The following AGBL1 variants were observed in gnomAD, a reference collection of about 807,000 sequenced individuals.
AGBL1 encodes the protein cytosolic carboxypeptidase 4.
In AGBL1, 130 loss-of-function variants were observed where a neutral mutation model predicts 118.9. That is an observed-to-expected ratio of 1.09 (90% CI 0.95 to 1.26). The LOEUF (loss-of-function observed/expected upper bound fraction) is 1.26, where lower values mean the gene tolerates loss of function less well. Among genes scored for constraint, AGBL1 ranks in the 50% most tolerant of loss-of-function variants. The pLI is 0.00. For synonymous variants in AGBL1, 555 were observed against 478.9 expected (o/e 1.16, Z -2.08); for missense variants, 1,584 against 1,298.1 (o/e 1.22, Z -3.38).
At chr15:86,714,058 C>T (rs1051505734) in intron 22 of AGBL1, among the ~76,000 whole-genome samples, 5 of 152,222 alleles carry the variant, frequency 3.3e-5, no homozygotes, top group Admixed American at 6.5e-5. Context: ...GTCTAGGCAA[C>T]ACATGTGGAC....
intron 22 of AGBL1, among the ~76,000 whole-genome samples, chr15:86,750,783 C>A (rs1256950250): frequency 6.6e-6 from 1 of 151,846 alleles, no homozygotes; most frequent in Non-Finnish European, 1.5e-5. Flanking sequence ...CGTCCTTTGC[C>A]TCTTCCCGCC....
chr15:86,373,298 A>G (rs2080994926), intron 17 of AGBL1, among the ~76,000 whole-genome samples: 1 of 152,184 alleles, frequency 6.6e-6, no homozygotes, highest in Non-Finnish European at 1.5e-5. Context: ...TTCCCCCGGA[A>G]GAAGTCTTGG....
At chr15:86,832,067 CG>C (rs542440970) in intron 22 of AGBL1, among the ~76,000 whole-genome samples, 58 of 152,340 alleles carry the variant, frequency 3.8e-4, no homozygotes, top group South Asian at 3.5e-3. Flanking sequence ...AGCTCTATGT[CG>C]GCCCCTTTTA....
rs546107178 is a variant in AGBL1 at position 86,135,705 on chromosome 15, T to G, written c.52-6299T>G. ...GTCAAAAATCTTGCTCTAGAGGAGCTCACAGTCTAAAGTGAGTGTGGGAGA... is the reference window on the plus strand; with the variant it reads ...GTCAAAAATCTTGCTCTAGAGGAGCGCACAGTCTAAAGTGAGTGTGGGAGA... On this transcript the variant is annotated intron_variant, in intron 1 of 22. Transcript: ENST00000614907. 2.5e-4 allele frequency among the ~76,000 whole-genome samples: 38 copies of G among 152,310 alleles called. No homozygotes were observed. In the East Asian group the frequency reaches 7.1e-3, roughly 29 times the overall value.
intron 21 of AGBL1, among the ~76,000 whole-genome samples, chr15:86,617,819 G>A (rs1424770163): frequency 6.6e-6 from 1 of 151,642 alleles, no homozygotes; most frequent in African/African-American, 2.4e-5. Context: ...GAGAGAAAGA[G>A]ATTTTTTCTT....
chr15:86,397,866 A>G lies in AGBL1; in HGVS notation c.2555+320A>G, dbSNP rs2081391567. Among the ~76,000 whole-genome samples the G allele has an allele frequency of 2.0e-5, 3 of 152,150 alleles. 1 individual carries two copies. The highest frequency in any genetic ancestry group is 7.2e-5 in the African/African-American group (3 of 41,446). ...AATAGGAAGCTATAGAATCACAGGC[A>G]ATTAATAGCAGAGGAAGAATCTAGT... On this transcript the variant is annotated intron_variant, in intron 18 of 22. Transcript: ENST00000614907.
rs925147981 is a variant in AGBL1 at position 86,674,368 on chromosome 15, T to C, written c.3090T>C (p.His1030=). 2 of 1,613,046 alleles carry C rather than the reference T, an allele frequency of 1.2e-6. No individual in the cohort carries two copies. Among genetic ancestry groups the C allele is most frequent in the Non-Finnish European group, 1.7e-6 (2 of 1,179,514 alleles). The change falls in exon 22 of 23, where the codon CAT becomes CAC. Residue 1030 remains histidine, a synonymous_variant. Coordinates refer to ENST00000614907, the MANE Select transcript of AGBL1 (RefSeq NM_001386094.1). Reference sequence around the variant, plus strand: ...AGCTCAAATCTGCCAGCTGCAGCCATCAGCTCCTGGCTCAAGCTGCAACTC... The same window carrying C: ...AGCTCAAATCTGCCAGCTGCAGCCACCAGCTCCTGGCTCAAGCTGCAACTC... ...ILELKSASCS[H]QLLAQAATLL...
intron 17 of AGBL1, among the ~76,000 whole-genome samples, chr15:86,342,763 C>A (rs764648128): frequency 1.3e-4 from 20 of 152,048 alleles, no homozygotes; most frequent in Non-Finnish European, 2.9e-4. Context: ...AAATAACAAA[C>A]ATATAGAATA....
intron 22 of AGBL1, among the ~76,000 whole-genome samples, chr15:86,898,926 A>G (rs1299537692): frequency 6.6e-6 from 1 of 152,182 alleles, no homozygotes; most frequent in African/African-American, 2.4e-5. Context: ...AAGTGAACAC[A>G]TATACTGTTG....
intron 3 of AGBL1, among the ~76,000 whole-genome samples, chr15:86,151,335 C>T (rs1463235155): frequency 6.7e-6 from 1 of 148,276 alleles, no homozygotes; most frequent in Non-Finnish European, 1.5e-5. Context: ...CCACCACAAT[C>T]AAGTCAGCTT....
At chr15:86,186,714 T>G (rs772282038) in intron 5 of AGBL1, among the ~76,000 whole-genome samples, 3 of 152,244 alleles carry the variant, frequency 2.0e-5, no homozygotes, top group Non-Finnish European at 4.4e-5. Flanking sequence ...TCCATCGATA[T>G]CAATAAAAAT....
chr15:86,588,451 G>A (rs953471378), intron 21 of AGBL1, among the ~76,000 whole-genome samples: 1 of 152,190 alleles, frequency 6.6e-6, no homozygotes, highest in East Asian at 1.9e-4. Context: ...AACCATTGAG[G>A]ACTGGCCTGC....
intron 21 of AGBL1, among the ~76,000 whole-genome samples, chr15:86,642,883 A>G (rs1267385179): frequency 3.3e-5 from 5 of 152,178 alleles, no homozygotes; most frequent in Admixed American, 6.6e-5. Flanking sequence ...AATATTACAC[A>G]TACTAGAAAA....
At chr15:86,149,345 G>A (rs1474910711) in intron 3 of AGBL1, among the ~76,000 whole-genome samples, 2 of 152,156 alleles carry the variant, frequency 1.3e-5, no homozygotes, top group Admixed American at 1.3e-4. Context: ...ATTGGATAAA[G>A]AGTCAAGATC....
intron 22 of AGBL1, among the ~76,000 whole-genome samples, chr15:86,892,724 T>C (rs1230931760): frequency 2.6e-5 from 4 of 152,076 alleles, no homozygotes; most frequent in African/African-American, 9.7e-5. Flanking sequence ...TCTCTATACA[T>C]AGAAAATGCT....
intron 1 of AGBL1, among the ~76,000 whole-genome samples, chr15:86,098,956 T>G (rs1480025052): frequency 2.0e-5 from 3 of 152,206 alleles, no homozygotes; most frequent in African/African-American, 7.2e-5. Context: ...TTGGATGTCT[T>G]TCCATTTTTT....
chr15:86,859,239 C>T (rs1416665710), intron 22 of AGBL1, among the ~76,000 whole-genome samples: 1 of 152,146 alleles, frequency 6.6e-6, no homozygotes, highest in Non-Finnish European at 1.5e-5. Context: ...CCCTGGATGC[C>T]AGAAACGGCT....
At chr15:86,560,081 G>C (rs2083792826) in intron 21 of AGBL1, among the ~76,000 whole-genome samples, 1 of 152,094 alleles carries the variant, frequency 6.6e-6, no homozygotes, top group Non-Finnish European at 1.5e-5. Flanking sequence ...ACCCAGACCA[G>C]GGTGACCCAG....
chr15:86,917,171 G>C (rs981221802), downstream of AGBL1, among the ~76,000 whole-genome samples: 1 of 152,100 alleles, frequency 6.6e-6, no homozygotes, highest in Non-Finnish European at 1.5e-5. This position sits in a 1 kb window ranked among gnomAD's most constrained non-coding sequence, Gnocchi z 4.8. Context: ...TAGAGAAGAT[G>C]GGGGAGAGGC....
Sources: gnomAD v4.1 joint callset for allele counts (sites outside exome capture counted in the v4.1 genomes callset) on GRCh38, gnomAD v4.1.1 for gene constraint, Gnocchi (gnomAD v3.1) non-coding constraint, MANE v1.5 for transcripts, NCBI Gene and HGNC (gene_info 2026-07-23, HGNC 2026-07-21) for gene names.